WWC1: variants seen among roughly 807,000 people sequenced by gnomAD.
WWC1 encodes WW and C2 domain containing 1, also known as protein KIBRA.
Under a neutral mutation model 138.4 loss-of-function variants are expected in WWC1, and 55 were observed. The observed-to-expected ratio is 0.40, with a 90% CI of 0.32 to 0.50. WWC1 has a LOEUF of 0.50. WWC1 is among the 20% of genes least tolerant of loss of function. The probability of loss-of-function intolerance (pLI) is 0.72; values close to 1 mark genes in which losing one functional copy is unlikely to be tolerated. For missense variants in WWC1, 1,226 were observed against 1,420.4 expected, an observed-to-expected ratio of 0.86 and a Z score of 2.20; for synonymous variants, 524 against 564.9, an observed-to-expected ratio of 0.93 and a Z score of 1.03.
In WWC1 at chr5:168,397,786, A is replaced by G. The variant is rs1166917370; in HGVS notation, c.496A>G (p.Thr166Ala). 6.2e-7 allele frequency: 1 copy of G among 1,614,064 alleles called. No homozygotes were observed. Among genetic ancestry groups the G allele is most frequent in the East Asian group, 2.2e-5 (1 of 44,880 alleles). The change falls in exon 4 of 23, where the codon ACT becomes GCT. Residue 166 changes from threonine (T) to alanine (A), a missense_variant. Physicochemically the swap from Thr to Ala is moderately conservative, Grantham distance 58 (BLOSUM62 0). Around this residue, in one of 3 missense-constraint regions of WWC1, gnomAD observed 1,016 missense variants for 1,153.9 expected, o/e 0.88. Coordinates refer to ENST00000265293, the MANE Select transcript of WWC1 (RefSeq NM_015238.3). ...TGAGATCCTGAAAGCTGAAATTGCC[A>G]CTGCAAAATCCCGGGTAGGACCTCT... Reference protein sequence around the residue: ...DPEILKAEIATAKSRVNKLKR... With the variant: ...DPEILKAEIAAAKSRVNKLKR...
chr5:168,311,843 C>T (rs1248508302), intron 1 of WWC1, among the ~76,000 whole-genome samples: 11 of 150,460 alleles, frequency 7.3e-5, no homozygotes, highest in African/African-American at 2.7e-4. Context: ...TGCCACTGCA[C>T]TCCAGTCTAG....
chr5:168,447,966 T>C (rs1429175858), intron 17 of WWC1, among the ~76,000 whole-genome samples: 1 of 152,108 alleles, frequency 6.6e-6, no homozygotes, highest in East Asian at 1.9e-4. Flanking sequence ...CCAGGACCTA[T>C]CTCCCAAAAC....
chr5:168,414,616 A>G (rs1375424423), intron 9 of WWC1, 26 bp downstream of exon 9: 1 of 1,535,310 alleles, frequency 6.5e-7, no homozygotes, highest in Admixed American at 2.0e-5. Context: ...CAGGGTGTGT[A>G]GGACCCTTCT....
chr5:168,388,322 C>T (rs547844654), intron 3 of WWC1, among the ~76,000 whole-genome samples: 18 of 151,846 alleles, frequency 1.2e-4, no homozygotes, highest in Non-Finnish European at 1.5e-5. Flanking sequence ...GGCACACCAC[C>T]AAATGAAATG....
chr5:168,397,392 C>T (rs1414625418), intron 3 of WWC1, among the ~76,000 whole-genome samples: 1 of 152,204 alleles, frequency 6.6e-6, no homozygotes, highest in Non-Finnish European at 1.5e-5. Flanking sequence ...ATCCCCCTGC[C>T]TCAGCCTCCC....
chr5:168,294,739 C>T (rs1561574353), intron 1 of WWC1, among the ~76,000 whole-genome samples: 1 of 152,154 alleles, frequency 6.6e-6, no homozygotes, highest in African/African-American at 2.4e-5. Flanking sequence ...GATTCTCCTG[C>T]CTCAACCTCC....
At position 168,408,014 on chromosome 5, in the gene WWC1, C is replaced by T. The variant is rs557976543; in HGVS notation, c.721-493C>T. Among the ~76,000 whole-genome samples, 46 of 149,846 alleles carry T rather than the reference C, an allele frequency of 3.1e-4. No homozygotes were observed. The East Asian group carries it at 7.5e-3, about 25-fold the overall frequency. On this transcript the variant is annotated intron_variant, in intron 6 of 22. Transcript: ENST00000265293. ...AGTAGTTGGAACTACAGACATGCAC[C>T]GCCACATCCAGCTATTTTTTTTTTT...
intron 5 of WWC1, among the ~76,000 whole-genome samples, chr5:168,401,606 C>T (rs1342632345): frequency 6.6e-6 from 1 of 152,202 alleles, no homozygotes; most frequent in Non-Finnish European, 1.5e-5. Flanking sequence ...AAATTCAGCA[C>T]AACACATGCT....
chr5:168,339,843 T>TTCTTTCTTTCTTTTTCTTTTC (rs1773843772), intron 1 of WWC1, among the ~76,000 whole-genome samples: 19 of 150,860 alleles, frequency 1.3e-4, no homozygotes, highest in African/African-American at 4.4e-4. Flanking sequence ...TTTCTTTTCT[T>TTCTTTCTTTCTTTTTCTTTTC]TCTTTCTTTC....
intron 1 of WWC1, among the ~76,000 whole-genome samples, chr5:168,368,874 T>C (rs1776524583): frequency 6.6e-6 from 1 of 152,158 alleles, no homozygotes; most frequent in Admixed American, 6.5e-5. Context: ...GAGACGGCTT[T>C]GGGGAAACTT....
intron 1 of WWC1, among the ~76,000 whole-genome samples, chr5:168,353,080 G>A (rs962332228): frequency 2.0e-5 from 3 of 152,030 alleles, no homozygotes; most frequent in South Asian, 2.1e-4. Context: ...ATTCGAACCC[G>A]GACCTGCATA....
At position 168,445,465 on chromosome 5, in the gene WWC1, C is replaced by T. The variant is rs773416661; in HGVS notation, c.2525+880C>T. 3.3e-5 allele frequency among the ~76,000 whole-genome samples: 5 copies of T among 151,720 alleles called. No homozygotes were observed. In the East Asian group the frequency reaches 5.9e-4, roughly 18 times the overall value. ...CTGTAATCCCAGCACTTTGGGAGGC[C>T]GAGGCAGATGGATCACCTGAGGTTA... On this transcript the variant is annotated intron_variant, in intron 17 of 22. Transcript: ENST00000265293.
chr5:168,377,471 G>C (rs974101705), intron 2 of WWC1, among the ~76,000 whole-genome samples: 2 of 152,078 alleles, frequency 1.3e-5, no homozygotes, highest in Admixed American at 6.6e-5. Flanking sequence ...AGCAAAAGAA[G>C]CTATCAACAG....
At chr5:168,360,032 G>T (rs1178007196) in intron 1 of WWC1, among the ~76,000 whole-genome samples, 1 of 152,212 alleles carries the variant, frequency 6.6e-6, no homozygotes, top group Non-Finnish European at 1.5e-5. Flanking sequence ...GTTCCTAGGG[G>T]TTAAAAGTGC....
At chr5:168,379,167 G>A (rs1190067312) in intron 2 of WWC1, among the ~76,000 whole-genome samples, 1 of 152,196 alleles carries the variant, frequency 6.6e-6, no homozygotes, top group Non-Finnish European at 1.5e-5. Context: ...GATGTTTTAT[G>A]TAGGAAATTT....
At chr5:168,466,727 A>C (rs1108517) in intron 21 of WWC1, among the ~76,000 whole-genome samples, 2,824 of 152,268 alleles carry the variant, frequency 0.019, 91 homozygotes, top group African/African-American at 0.064. Flanking sequence ...TATATCCCAA[A>C]TCTAAAGTAG....
chr5:168,312,394 G>T (rs1581888612), intron 1 of WWC1, among the ~76,000 whole-genome samples: 1 of 152,184 alleles, frequency 6.6e-6, no homozygotes, highest in East Asian at 1.9e-4. Flanking sequence ...TTTGCCCAAG[G>T]TCGCACAGCT....
At chr5:168,337,685 G>A (rs1289145447) in intron 1 of WWC1, among the ~76,000 whole-genome samples, 3 of 152,232 alleles carry the variant, frequency 2.0e-5, no homozygotes, top group African/African-American at 7.2e-5. Flanking sequence ...CGGTAAGGGA[G>A]ACAGAAATTC....
chr5:168,411,940 C>T (rs981523347), intron 8 of WWC1: 3 of 974,292 alleles, frequency 3.1e-6, no homozygotes, highest in Non-Finnish European at 3.7e-6. Context: ...ATATTATTAA[C>T]AAAAGAAGAA....
Sources: allele counts gnomAD v4.1 joint callset (sites outside exome capture counted in the v4.1 genomes callset), GRCh38; gene constraint gnomAD v4.1.1; regional missense constraint gnomAD v4.1.1; transcripts MANE v1.5; gene names NCBI Gene and HGNC (gene_info 2026-07-23, HGNC 2026-07-21).